Variants in ELF2 observed in about 807,000 individuals in gnomAD.
The protein encoded by ELF2 is E74 like ETS transcription factor 2.
A neutral mutation model predicts 54.8 loss-of-function variants in ELF2; 11 were observed. That is an observed-to-expected ratio of 0.20 (90% CI 0.13 to 0.33). The LOEUF (loss-of-function observed/expected upper bound fraction) is 0.33, where lower values mean the gene tolerates loss of function less well. ELF2 is among the 10% of genes least tolerant of loss of function. The pLI is 1.00. For missense variants in ELF2, 513 were observed against 703.0 expected (o/e 0.73, Z 3.06); for synonymous variants, 203 against 245.1 (o/e 0.83, Z 1.61).
At chr4:139,097,915 T>C (rs1350323160) in intron 4 of ELF2, among the ~76,000 whole-genome samples, 3 of 152,126 alleles carry the variant, frequency 2.0e-5, no homozygotes, top group Non-Finnish European at 4.4e-5. Flanking sequence ...AGTCTCACTA[T>C]ATGGTCTTGC....
At chr4:139,116,334 T>A (rs1735713100) in intron 4 of ELF2, among the ~76,000 whole-genome samples, 1 of 150,982 alleles carries the variant, frequency 6.6e-6, no homozygotes. Flanking sequence ...GGAAAAGATG[T>A]AGATTAGAAG....
intron 3 of ELF2, among the ~76,000 whole-genome samples, chr4:139,134,936 T>C (rs768003577): frequency 6.6e-6 from 1 of 152,008 alleles, no homozygotes; most frequent in African/African-American, 2.4e-5. Context: ...TTTTATATAT[T>C]TATTACTATT....
intron 5 of ELF2, 89 bp from the exon 6 acceptor site, chr4:139,072,128 G>A: frequency 7.7e-7 from 1 of 1,297,522 alleles, no homozygotes; most frequent in African/African-American, 1.5e-5. Flanking sequence ...GGCGAGGTGT[G>A]TTAAGAATTA....
At chr4:139,135,271 G>GTT (rs1560852338) in intron 3 of ELF2, among the ~76,000 whole-genome samples, 4 of 144,746 alleles carry the variant, frequency 2.8e-5, no homozygotes, top group Admixed American at 2.1e-4. Flanking sequence ...GTGTGTGTGT[G>GTT]TGTGTGTGTA....
At chr4:139,143,523 C>T (rs1300519066) in intron 1 of ELF2, among the ~76,000 whole-genome samples, 1 of 152,198 alleles carries the variant, frequency 6.6e-6, no homozygotes, top group Admixed American at 6.5e-5. Context: ...TGGCTCACAT[C>T]TGTAATCCCT....
At chr4:139,073,245 G>A (rs149660529) in intron 5 of ELF2, among the ~76,000 whole-genome samples, 1 of 152,058 alleles carries the variant, frequency 6.6e-6, no homozygotes, top group African/African-American at 2.4e-5. Context: ...TCTATAGTGG[G>A]TATTTTCTGT....
chr4:139,135,237 A>ATGTGAG (rs1738013260), intron 3 of ELF2, among the ~76,000 whole-genome samples: 1 of 112,398 alleles, frequency 8.9e-6, no homozygotes, highest in African/African-American at 3.0e-5. Context: ...TACTATATAT[A>ATGTGAG]TGTGTGTGTG....
At chr4:139,106,814 GCTCA>G (rs1734464030) in intron 4 of ELF2, among the ~76,000 whole-genome samples, 1 of 148,364 alleles carries the variant, frequency 6.7e-6, no homozygotes, top group Admixed American at 6.8e-5. Context: ...CTTGATCTCG[GCTCA>G]CTGCAACCTC....
chr4:139,111,817 A>G (rs1734973477), intron 4 of ELF2, among the ~76,000 whole-genome samples: 1 of 152,200 alleles, frequency 6.6e-6, no homozygotes, highest in African/African-American at 2.4e-5. Flanking sequence ...TAGTGTAGGC[A>G]ATGAGCACAC....
chr4:139,110,257 T>C (rs74835932), intron 4 of ELF2, among the ~76,000 whole-genome samples: 1,535 of 152,322 alleles, frequency 0.01, 13 homozygotes, highest in Middle Eastern at 0.02. Flanking sequence ...GCACATGCTC[T>C]GGGGTCCTGG....
At chr4:139,160,902 G>A (rs1741068047) in intron 1 of ELF2, among the ~76,000 whole-genome samples, 1 of 152,144 alleles carries the variant, frequency 6.6e-6, no homozygotes, top group African/African-American at 2.4e-5. Flanking sequence ...GGTGGAGGTT[G>A]CAGTGAGCTG....
intron 1 of ELF2, among the ~76,000 whole-genome samples, chr4:139,157,029 T>C (rs879592760): frequency 6.8e-4 from 104 of 152,298 alleles, no homozygotes; most frequent in Non-Finnish European, 1.2e-3. Flanking sequence ...CTTAGGTCCT[T>C]AGGCAATTTT....
At chr4:139,152,978 T>C (rs1256830701) in intron 1 of ELF2, among the ~76,000 whole-genome samples, 2 of 150,420 alleles carry the variant, frequency 1.3e-5, no homozygotes, top group Non-Finnish European at 3.0e-5. Context: ...TCACTGCCAT[T>C]CTCCTGCCTC....
intron 4 of ELF2, among the ~76,000 whole-genome samples, chr4:139,109,821 G>A (rs1182189524): frequency 1.3e-5 from 2 of 152,152 alleles, no homozygotes; most frequent in Non-Finnish European, 2.9e-5. Flanking sequence ...TCCAAAAGGA[G>A]GGAGGGAGGA....
chr4:139,153,872 C>T (rs181780454), intron 1 of ELF2, among the ~76,000 whole-genome samples: 14 of 152,250 alleles, frequency 9.2e-5, no homozygotes, highest in African/African-American at 3.1e-4. Flanking sequence ...TTTCAGTCTA[C>T]CCCCTCCTTT....
chr4:139,058,958 T>C lies in ELF2; in HGVS notation c.*25A>G. 3 of 1,573,322 alleles carry C rather than the reference T, an allele frequency of 1.9e-6. No homozygotes were observed. The highest frequency in any genetic ancestry group is 1.7e-4 in the Middle Eastern group (1 of 5,834). On this transcript the variant is annotated 3_prime_UTR_variant, in exon 10 of 10. Transcript: ENST00000686138. ...TATGTCAGTACTGCCACTAACAGCC[T>C]GAAGTCCATGGTGGAGCTGCTATTT...
chr4:139,124,786 TAATC>T (rs1736748776), intron 4 of ELF2, among the ~76,000 whole-genome samples: 1 of 152,134 alleles, frequency 6.6e-6, no homozygotes, highest in African/African-American at 2.4e-5. Context: ...AAGAAACTCA[TAATC>T]AATTAGACAA....
chr4:139,081,313 G>C (rs1165432983), intron 4 of ELF2, among the ~76,000 whole-genome samples: 1 of 152,096 alleles, frequency 6.6e-6, no homozygotes, highest in African/African-American at 2.4e-5. Flanking sequence ...ATGCACATGT[G>C]ATACTTAACA....
At chr4:139,102,976 G>C (rs1220332661) in intron 4 of ELF2, among the ~76,000 whole-genome samples, 1 of 152,036 alleles carries the variant, frequency 6.6e-6, no homozygotes, top group East Asian at 1.9e-4. Context: ...CCTACCAAGT[G>C]CAAGCAATCT....
Sources: gnomAD v4.1 joint callset for allele counts (sites outside exome capture counted in the v4.1 genomes callset) on GRCh38, gnomAD v4.1.1 for gene constraint, MANE v1.5 for transcripts, NCBI Gene and HGNC (gene_info 2026-07-23, HGNC 2026-07-21) for gene names.